GABRA5: variants seen among roughly 807,000 people sequenced by gnomAD.
GABRA5 encodes the protein gamma-aminobutyric acid type A receptor subunit alpha5.
Under a neutral mutation model 47.3 loss-of-function variants are expected in GABRA5, and 18 were observed. The observed-to-expected ratio is 0.38, with a 90% CI of 0.26 to 0.56. The LOEUF (loss-of-function observed/expected upper bound fraction) is 0.56, where lower values mean the gene tolerates loss of function less well. Among genes scored for constraint, GABRA5 ranks in the 20% least tolerant of loss-of-function variants. The pLI, the probability that GABRA5 is intolerant of heterozygous loss-of-function variation, is 0.71. For missense variants in GABRA5, 365 were observed against 599.3 expected, an observed-to-expected ratio of 0.61 and a Z score of 4.08; for synonymous variants, 237 against 229.3, an observed-to-expected ratio of 1.03 and a Z score of -0.30.
intron 7 of GABRA5, among the ~76,000 whole-genome samples, chr15:26,934,935 A>G (rs1438669545): frequency 6.6e-6 from 1 of 152,236 alleles, no homozygotes; most frequent in Non-Finnish European, 1.5e-5. Flanking sequence ...AAAATGTTTC[A>G]GACCTTCTTG....
chr15:26,871,063 A>G (rs528905785), intron 3 of GABRA5, among the ~76,000 whole-genome samples: 7 of 152,046 alleles, frequency 4.6e-5, no homozygotes, highest in Admixed American at 3.3e-4. Flanking sequence ...GCCTGGTGGC[A>G]CATGCCTGTA....
At chr15:26,886,896 C>T (rs986791619) in intron 6 of GABRA5, among the ~76,000 whole-genome samples, 2 of 152,112 alleles carry the variant, frequency 1.3e-5, no homozygotes, top group African/African-American at 4.8e-5. Context: ...AATTTTAATG[C>T]GATAGAGCTA....
chr15:26,922,420 A>G (rs942722825), intron 7 of GABRA5, among the ~76,000 whole-genome samples: 5 of 152,138 alleles, frequency 3.3e-5, no homozygotes, highest in African/African-American at 1.2e-4. Context: ...TGAATGATAA[A>G]TATTTTTTCA....
chr15:26,929,304 A>C (rs949166651), intron 7 of GABRA5, among the ~76,000 whole-genome samples: 1 of 152,248 alleles, frequency 6.6e-6, no homozygotes, highest in African/African-American at 2.4e-5. Flanking sequence ...AGAAGTGAGA[A>C]GGAAGAAGGG....
chr15:26,868,609 G>A (rs1488983731), intron 1 of GABRA5, 120 bp from the exon 2 acceptor site: 1 of 152,424 alleles, frequency 6.6e-6, no homozygotes, highest in Non-Finnish European at 1.5e-5. Flanking sequence ...TAGTCACGGG[G>A]ACCGAATGCC....
intron 6 of GABRA5, among the ~76,000 whole-genome samples, chr15:26,896,013 T>C (rs1032532816): frequency 4.6e-5 from 7 of 152,122 alleles, no homozygotes; most frequent in Admixed American, 3.9e-4. Context: ...CCCTGCACCC[T>C]GTGGTCGCAC....
chr15:26,929,544 GC>G (rs1046165573), intron 7 of GABRA5, among the ~76,000 whole-genome samples: 3 of 152,224 alleles, frequency 2.0e-5, no homozygotes, highest in Admixed American at 2.0e-4. Context: ...TTATGCCTGT[GC>G]CCCACAGCTC....
intron 4 of GABRA5, among the ~76,000 whole-genome samples, chr15:26,882,420 G>A (rs1319698814): frequency 6.6e-6 from 1 of 152,146 alleles, no homozygotes; most frequent in Non-Finnish European, 1.5e-5. Context: ...CCCACAGTGC[G>A]GCTGGAAGTT....
chr15:26,880,976 G>T lies in GABRA5; in HGVS notation c.208+9G>T, dbSNP rs781666786. The T allele has an allele frequency of 1.2e-6, 2 of 1,613,432 alleles. No homozygotes were observed. The highest frequency in any genetic ancestry group is 1.7e-6 in the Non-Finnish European group (2 of 1,179,610). ...TCGGCCCGGGCTGGGAGGTGAGTGT[G>T]CTCTCCTCAGCTGAGCCCAGCAAGG... is the stretch of plus-strand genomic sequence containing the variant. On this transcript the variant is annotated intron_variant, in intron 4 of 10. Coordinates refer to ENST00000335625, the MANE Select transcript of GABRA5 (RefSeq NM_000810.4).
chr15:26,936,210 A>T (rs1894239724), intron 7 of GABRA5, among the ~76,000 whole-genome samples: 1 of 152,200 alleles, frequency 6.6e-6, no homozygotes, highest in African/African-American at 2.4e-5. Flanking sequence ...TGAGTCAATT[A>T]TACCTCTTTT....
chr15:26,921,129 A>G (rs1893833873), intron 7 of GABRA5, among the ~76,000 whole-genome samples: 1 of 152,066 alleles, frequency 6.6e-6, no homozygotes, highest in Non-Finnish European at 1.5e-5. Flanking sequence ...TGCCAGGGTA[A>G]TCCTGGCTTC....
At chr15:26,874,114 G>C (rs184718771) in intron 3 of GABRA5, among the ~76,000 whole-genome samples, 3 of 152,252 alleles carry the variant, frequency 2.0e-5, no homozygotes, top group Admixed American at 6.5e-5. Flanking sequence ...GGAGCATGTG[G>C]GCTTTCGGGT....
chr15:26,886,664 G>A (rs551140543), intron 6 of GABRA5, among the ~76,000 whole-genome samples: 4 of 152,244 alleles, frequency 2.6e-5, no homozygotes, highest in Admixed American at 6.5e-5. Context: ...TTGAAAATTC[G>A]AGGGACACAA....
chr15:26,937,188 C>G lies in GABRA5; in HGVS notation c.584C>G (p.Ala195Gly), dbSNP rs776753706. ...TTTCTGCCCCCTCCTCATACAGATG[C>G]GTACCCTAATTCTGAAGTCGTTTAC... ...HACPLKFGSY[A>G]YPNSEVVYVW... is the part of the protein sequence containing the mutation. The change falls in exon 8 of 11, where the codon GCG becomes GGG. Residue 195 changes from alanine (A) to glycine (G), a missense_variant. This residue lies in a region of GABRA5 where 216 missense variants were observed against 335.3 expected (regional missense o/e 0.64). Transcript: ENST00000335625. 5 of 1,613,800 alleles carry G rather than the reference C, an allele frequency of 3.1e-6. No individual in the cohort carries two copies. Among genetic ancestry groups the G allele is most frequent in the Non-Finnish European group, 4.2e-6 (5 of 1,179,838 alleles).
At chr15:26,915,882 T>A (rs1893705976) in intron 7 of GABRA5, among the ~76,000 whole-genome samples, 1 of 152,198 alleles carries the variant, frequency 6.6e-6, no homozygotes, top group South Asian at 2.1e-4. Context: ...AGATGAGGGC[T>A]GTTATAATAT....
intron 10 of GABRA5, among the ~76,000 whole-genome samples, chr15:26,946,948 C>T (rs994449999): frequency 5.3e-5 from 8 of 152,124 alleles, no homozygotes; most frequent in Admixed American, 3.9e-4. Flanking sequence ...AAGGAGGGGA[C>T]GACTGATATA....
At position 26,878,350 on chromosome 15, in the gene GABRA5, G is replaced by A. The variant is rs890623473; in HGVS notation, c.87-2496G>A. ...GTATGAAGGCACTTACACACCAGGG[G>A]CTGAGAAAACACAGCATTTGCCTTC... On this transcript the variant is annotated intron_variant, in intron 3 of 10. Transcript: ENST00000335625. 2.6e-5 allele frequency among the ~76,000 whole-genome samples: 4 copies of A among 152,324 alleles called. No homozygotes were observed. The East Asian group carries it at 7.7e-4, about 29-fold the overall frequency.
At chr15:26,890,426 A>ATTTTTTTTTTTTTTTTTTTT (rs201726196) in intron 6 of GABRA5, among the ~76,000 whole-genome samples, 1 of 128,582 alleles carries the variant, frequency 7.8e-6, no homozygotes, top group Non-Finnish European at 1.6e-5. Flanking sequence ...AGTCACTTCA[A>ATTTTTTTTTTTTTTTTTTTT]TTTTTTTTTT....
At chr15:26,889,253 T>TA (rs1250663986) in intron 6 of GABRA5, among the ~76,000 whole-genome samples, 3 of 152,208 alleles carry the variant, frequency 2.0e-5, no homozygotes, top group Non-Finnish European at 4.4e-5. Flanking sequence ...ATTGGGGAAA[T>TA]ACGATGTAGT....
Sources: gnomAD v4.1 joint callset for allele counts (sites outside exome capture counted in the v4.1 genomes callset) on GRCh38, gnomAD v4.1.1 for gene constraint, gnomAD v4.1.1 regional missense constraint, MANE v1.5 for transcripts, NCBI Gene and HGNC (gene_info 2026-07-23, HGNC 2026-07-21) for gene names.